The following AFAP1L2 variants were observed in gnomAD, a reference collection of about 807,000 sequenced individuals.
The protein encoded by AFAP1L2 is actin filament associated protein 1 like 2.
Under a neutral mutation model 99.3 loss-of-function variants are expected in AFAP1L2, and 46 were observed. The observed-to-expected ratio is 0.46, with a 90% confidence interval of 0.37 to 0.59. The LOEUF (loss-of-function observed/expected upper bound fraction) is 0.59. AFAP1L2 is among the 20% of genes least tolerant of loss of function. The pLI is 0.00. For missense variants in AFAP1L2, 959 were observed against 1,034.9 expected, an observed-to-expected ratio of 0.93 and a Z score of 1.01; for synonymous variants, 397 against 419.1, an observed-to-expected ratio of 0.95 and a Z score of 0.64.
At chr10:114,290,496 C>A, downstream of AFAP1L2, 1 of 1,317,798 alleles carries the variant, frequency 7.6e-7, no homozygotes, top group Non-Finnish European at 1.0e-6. Flanking sequence ...GTCGTTTACC[C>A]ACGAAACATT....
intron 5 of AFAP1L2, among the ~76,000 whole-genome samples, chr10:114,321,474 A>G (rs2045304856): frequency 6.6e-6 from 1 of 152,126 alleles, no homozygotes; most frequent in African/African-American, 2.4e-5. Context: ...TGTGGTGTGT[A>G]TGTACCACAT....
Position 114,313,952 on chromosome 10 carries a change from G to T in AFAP1L2, c.711C>A (p.His237Gln). ...CATTCATCGGCGTGATCTTCAGCTTGTGCTCCTTCTTCCGCACTTGCTTCT... is the reference window on the plus strand; with the variant it reads ...CATTCATCGGCGTGATCTTCAGCTTTTGCTCCTTCTTCCGCACTTGCTTCT... Reference protein sequence around the residue: ...HKEKQVRKKEHKLKITPMNAD... With the variant: ...HKEKQVRKKEQKLKITPMNAD... The change falls in exon 7 of 19, where the codon CAC (histidine) becomes CAA (glutamine). Residue 237 changes from histidine (H) to glutamine (Q), a missense_variant. Transcript: ENST00000304129. The T allele has an allele frequency of 6.2e-7, 1 of 1,614,010 alleles. No individual in the cohort carries two copies. The highest frequency in any genetic ancestry group is 8.5e-7 in the Non-Finnish European group (1 of 1,179,992).
chr10:114,396,766 T>C (rs1204173941), intron 1 of AFAP1L2, among the ~76,000 whole-genome samples: 2 of 152,190 alleles, frequency 1.3e-5, no homozygotes, highest in East Asian at 3.8e-4. Context: ...GCTCTTATAT[T>C]CCATGGTCCT....
chr10:114,324,396 A>ACCCCCCCC (rs56354768), intron 4 of AFAP1L2, among the ~76,000 whole-genome samples: 1 of 126,442 alleles, frequency 7.9e-6, no homozygotes, highest in African/African-American at 3.7e-5. Flanking sequence ...GGGGTGCACC[A>ACCCCCCCC]CCCCCCCCCC....
chr10:114,349,371 GAA>G (rs2050086561), intron 1 of AFAP1L2, among the ~76,000 whole-genome samples: 1 of 98,870 alleles, frequency 1.0e-5, no homozygotes, highest in Non-Finnish European at 1.9e-5. Flanking sequence ...CAACAAGAGT[GAA>G]ACTCGGTCTC....
chr10:114,363,609 CT>C (rs1438694397), intron 1 of AFAP1L2, among the ~76,000 whole-genome samples: 1 of 152,190 alleles, frequency 6.6e-6, no homozygotes, highest in African/African-American at 2.4e-5. Flanking sequence ...AGTTAAGTAA[CT>C]TTCCTAACGT....
At chr10:114,306,939 C>T (rs1048248793) in intron 10 of AFAP1L2, among the ~76,000 whole-genome samples, 7 of 152,128 alleles carry the variant, frequency 4.6e-5, no homozygotes, top group Non-Finnish European at 5.9e-5. Context: ...AGCCCACCCC[C>T]ACCACCCTGC....
At chr10:114,305,807 G>C (rs2134246308) in intron 10 of AFAP1L2, among the ~76,000 whole-genome samples, 1 of 124,006 alleles carries the variant, frequency 8.1e-6, no homozygotes, top group African/African-American at 3.1e-5. Flanking sequence ...GGAGGCGTCG[G>C]GGCTGCAGGA....
Position 114,300,426 on chromosome 10 carries a change from C to T in AFAP1L2, c.1788+19G>A, listed in dbSNP as rs1461720787. Reference sequence around the variant, plus strand: ...GGCGCAGGAAGGTGGTCTTGCTGTCCTGCAGGGGAGGCCTGTACCTGTTCT... The same window carrying T: ...GGCGCAGGAAGGTGGTCTTGCTGTCTTGCAGGGGAGGCCTGTACCTGTTCT... On this transcript the variant is annotated intron_variant, in intron 14 of 18. Coordinates refer to ENST00000304129, the MANE Select transcript of AFAP1L2 (RefSeq NM_001001936.3). 4 of 1,480,626 alleles carry T rather than the reference C, an allele frequency of 2.7e-6. No homozygotes were observed. The highest frequency in any genetic ancestry group is 3.6e-6 in the Non-Finnish European group (4 of 1,121,354). 91.7% of individuals were successfully genotyped at this position (1,480,626 alleles called of 1,614,324 possible). A position where few individuals can be genotyped will look rare whatever the true frequency, so the allele number is the denominator to read the frequency against.
intron 1 of AFAP1L2, among the ~76,000 whole-genome samples, chr10:114,399,729 A>G (rs1340875881): frequency 2.0e-5 from 3 of 152,122 alleles, no homozygotes; most frequent in African/African-American, 7.2e-5. Flanking sequence ...CTTTCCCACT[A>G]AGTCTGCTAC....
At chr10:114,291,616 ACAAT>A (rs1410221434), downstream of AFAP1L2, 1 of 212,756 alleles carries the variant, frequency 4.7e-6, no homozygotes, top group Non-Finnish European at 9.5e-6. Context: ...TCCTTTGCAC[ACAAT>A]CAATGCTCGC....
intron 12 of AFAP1L2, 197 bp from the exon 13 acceptor site, chr10:114,301,662 G>T: frequency 3.5e-6 from 2 of 571,234 alleles, no homozygotes; most frequent in Admixed American, 3.0e-5. Context: ...TGAAATTCTT[G>T]GTTCGAGATT....
At chr10:114,282,804 G>T in the AFAP1L2 span, among the ~76,000 whole-genome samples, 1 of 152,198 alleles carries the variant, frequency 6.6e-6, no homozygotes, top group South Asian at 2.1e-4. Flanking sequence ...AGTGTTGTGT[G>T]CATTGGTGAG....
chr10:114,374,802 G>A (rs2054582859), intron 1 of AFAP1L2, among the ~76,000 whole-genome samples: 1 of 146,912 alleles, frequency 6.8e-6, no homozygotes, highest in African/African-American at 2.5e-5. Flanking sequence ...AGAGAGCTAG[G>A]CGTGTGGGAT....
chr10:114,302,670 TC>T (rs1415084994), intron 11 of AFAP1L2, among the ~76,000 whole-genome samples, 186 bp from the exon 12 acceptor site: 1 of 152,108 alleles, frequency 6.6e-6, no homozygotes, highest in East Asian at 1.9e-4. Context: ...AGATAATATT[TC>T]CTGTCGTCAG....
In AFAP1L2 at chr10:114,295,316, A is replaced by AT. The variant is rs1024532763; in HGVS notation, c.*725dup. On this transcript the variant is annotated 3_prime_UTR_variant, in exon 19 of 19. Transcript: ENST00000304129. ...TGTTCTAAATGACAGGATTTTAAGC[A>AT]TTTTTTCCTATATATAATACAGCAT... is the stretch of plus-strand genomic sequence containing the variant. The AT allele has an allele frequency of 8.1e-6, 8 of 985,062 alleles. No individual in the cohort carries two copies. The highest frequency in any genetic ancestry group is 1.7e-5 in the African/African-American group (1 of 57,210). The allele number at this position is 985,062 out of a possible 1,614,324, so 61.0% of individuals were successfully genotyped here. A position where few individuals can be genotyped will look rare whatever the true frequency, so the allele number is the denominator to read the frequency against.
chr10:114,404,472 G>A lies in AFAP1L2; in HGVS notation c.-17C>T. ...CCGCTCCATCGGGGCCACGGAGTGC[G>A]CTCCTCGCGGCTCGGCTTCTGCGCT... On this transcript the variant is annotated 5_prime_UTR_variant, in exon 1 of 19. Coordinates refer to ENST00000304129, the MANE Select transcript of AFAP1L2 (RefSeq NM_001001936.3). The A allele has an allele frequency of 6.5e-7, 1 of 1,536,404 alleles. No homozygotes were observed. The highest frequency in any genetic ancestry group is 1.2e-5 in the South Asian group (1 of 83,692).
intron 1 of AFAP1L2, among the ~76,000 whole-genome samples, chr10:114,375,272 C>A (rs1274937465): frequency 6.6e-6 from 1 of 152,190 alleles, no homozygotes; most frequent in Admixed American, 6.5e-5. Context: ...GGCTACCATG[C>A]CAGAATTGAG....
Position 114,398,408 on chromosome 10 carries a change from C to T in AFAP1L2, c.16+6032G>A, listed in dbSNP as rs537631902. 5.9e-5 allele frequency among the ~76,000 whole-genome samples: 9 copies of T among 152,358 alleles called. No homozygotes were observed. The East Asian group carries it at 1.5e-3, about 26-fold the overall frequency. On this transcript the variant is annotated intron_variant, in intron 1 of 18. Coordinates refer to ENST00000304129, the MANE Select transcript of AFAP1L2 (RefSeq NM_001001936.3). ...AGAAGCCCCAACTTATATCTCCCAA[C>T]AGCATTGAAAAGCACACAGTGGGCA... is the stretch of plus-strand genomic sequence containing the variant.
Sources: allele counts gnomAD v4.1 joint callset (sites outside exome capture counted in the v4.1 genomes callset), GRCh38; gene constraint gnomAD v4.1.1; transcripts MANE v1.5; gene names NCBI Gene and HGNC (gene_info 2026-07-23, HGNC 2026-07-21).